The following TRPA1 variants were observed in gnomAD, a reference collection of about 807,000 sequenced individuals.
The protein encoded by TRPA1 is ankyrin-like with transmembrane domains 1.
Under a neutral mutation model 131.3 loss-of-function variants are expected in TRPA1, and 129 were observed. The observed-to-expected ratio is 0.98, with a 90% CI of 0.85 to 1.14. TRPA1 has a LOEUF of 1.14. TRPA1 is among the 50% of genes most tolerant of loss of function. The pLI, the probability that TRPA1 is intolerant of heterozygous loss-of-function variation, is 0.00. For missense variants in TRPA1, 1,304 were observed against 1,354.2 expected (o/e 0.96, Z 0.58); for synonymous variants, 441 against 451.7 (o/e 0.98, Z 0.30).
At chr8:72,068,931 G>A in intron 3 of TRPA1, 92 bp downstream of exon 3, 2 of 1,303,782 alleles carry the variant, frequency 1.5e-6, no homozygotes, top group East Asian at 2.3e-5. Context: ...AGCTTAGAAG[G>A]TGCTCATCCT....
At chr8:72,062,664 T>G in intron 6 of TRPA1, 135 bp downstream of exon 6, 1 of 947,100 alleles carries the variant, frequency 1.1e-6, no homozygotes, top group Non-Finnish European at 1.6e-6. Flanking sequence ...CTTGTTCTGC[T>G]TCTGCAGAAG....
chr8:72,077,317 CA>C (rs532158286), upstream of TRPA1, among the ~76,000 whole-genome samples: 259 of 150,630 alleles, frequency 1.7e-3, 1 homozygote, highest in African/African-American at 6.0e-3. Context: ...TGGGCCAGTG[CA>C]GGGAACTCCA....
rs1444397669 is a variant in TRPA1, at chr8:72,037,600, G to C, written c.2385+383C>G. 2.0e-5 allele frequency among the ~76,000 whole-genome samples: 3 copies of C among 152,158 alleles called. No homozygotes were observed. In the East Asian group the frequency reaches 5.8e-4, roughly 29 times the overall value. On this transcript the variant is annotated intron_variant, in intron 20 of 26. Transcript: ENST00000262209. The stretch of plus-strand genomic sequence containing the variant: ...TTCAAAGAAAGACCCATTTGAAATG[G>C]AGTCTTGGGCCAGATAACTTCTTTA...
At chr8:72,034,803 A>G (rs555428978) in intron 21 of TRPA1, among the ~76,000 whole-genome samples, 1 of 152,170 alleles carries the variant, frequency 6.6e-6, no homozygotes, top group South Asian at 2.1e-4. Flanking sequence ...TCGGCTTCCC[A>G]AAGTGCTAGG....
chr8:72,058,947 A>C (rs549581355), intron 8 of TRPA1, among the ~76,000 whole-genome samples: 10 of 152,240 alleles, frequency 6.6e-5, no homozygotes, highest in Non-Finnish European at 1.3e-4. Flanking sequence ...AATCTTTGAC[A>C]ATATTTTTCA....
rs61736313 is a variant in TRPA1 at position 72,056,993 on chromosome 8, T to A, written c.1118A>T (p.Asn373Ile). The A allele has an allele frequency of 1.2e-3, 1,910 of 1,608,694 alleles. 30 individuals carry two copies. In the African/African-American group the frequency reaches 0.021, roughly 17 times the overall value. ...TAAATGCAGAAAATTACGTCCAAAA[T>A]TATCTTTTATGTCTACTTGGGCACC... ...SKGAQVDIKD[N>I]FGRNFLHLTV... Residue 373 changes from asparagine (N) to isoleucine (I), a missense_variant, in exon 10 of 27, where the codon AAT becomes ATT. Physicochemically the swap from Asn to Ile is moderately radical, Grantham distance 149. Coordinates refer to ENST00000262209, the MANE Select transcript of TRPA1 (RefSeq NM_007332.3).
rs748925257 is a variant in TRPA1 at position 72,026,078 on chromosome 8, A to G, written c.2938-5T>C. ...TAAGCTGGTATGAAGTTCCACCTAA[A>G]GTGCATTTTGGATTTATTGATAGAA... is the stretch of plus-strand genomic sequence containing the variant. On this transcript the variant is annotated splice_region_variant and splice_polypyrimidine_tract_variant and intron_variant, in intron 24 of 26. Coordinates refer to ENST00000262209, the MANE Select transcript of TRPA1 (RefSeq NM_007332.3). The G allele has an allele frequency of 4.0e-5, 64 of 1,611,758 alleles. 1 individual carries two copies. The South Asian group carries it at 6.7e-4, about 17-fold the overall frequency.
upstream of TRPA1, among the ~76,000 whole-genome samples, chr8:72,080,459 A>G (rs1210683797): frequency 6.6e-6 from 1 of 151,706 alleles, no homozygotes; most frequent in African/African-American, 2.4e-5. Context: ...TTCATATGTT[A>G]CTGGATTCAG....
At chr8:72,028,533 T>C (rs1811686102) in intron 24 of TRPA1, among the ~76,000 whole-genome samples, 1 of 152,236 alleles carries the variant, frequency 6.6e-6, no homozygotes, top group South Asian at 2.1e-4. Context: ...CTCTTAATTA[T>C]TTTTGCATTT....
chr8:72,075,420 C>A lies in TRPA1; in HGVS notation c.-11G>T, dbSNP rs1364836129. On this transcript the variant is annotated 5_prime_UTR_variant, in exon 1 of 27. Coordinates refer to ENST00000262209, the MANE Select transcript of TRPA1 (RefSeq NM_007332.3). ...CAGGCTGCGCTTCATTGACCCCACC[C>A]CGGACGCCACCTGGTGCAGCTGCTC... The A allele has an allele frequency of 6.3e-7, 1 of 1,594,494 alleles. No homozygotes were observed. Among genetic ancestry groups the A allele is most frequent in the South Asian group, 1.1e-5 (1 of 90,748 alleles).
chr8:72,036,152 G>T (rs1221030921), intron 21 of TRPA1, 136 bp downstream of exon 21: 5 of 845,198 alleles, frequency 5.9e-6, no homozygotes, highest in Admixed American at 2.4e-5. Flanking sequence ...CCTTAATAGG[G>T]TATACAAAAA....
chr8:72,023,182 A>G (rs2129432270), intron 26 of TRPA1, 66 bp from the exon 27 acceptor site: 1 of 1,255,192 alleles, frequency 8.0e-7, no homozygotes, highest in East Asian at 4.1e-5. Flanking sequence ...TGAATGTAGG[A>G]AGGCATAGGT....
At chr8:72,068,942 G>C (rs1258011177) in intron 3 of TRPA1, 81 bp downstream of exon 3, 8 of 1,463,732 alleles carry the variant, frequency 5.5e-6, no homozygotes, top group Middle Eastern at 3.8e-4. Context: ...TGCTCATCCT[G>C]GTGCAAGCAG....
At chr8:72,063,612 C>T (rs1407043003) in intron 4 of TRPA1, 41 bp from the exon 5 acceptor site, 2 of 1,387,076 alleles carry the variant, frequency 1.4e-6, no homozygotes, top group East Asian at 2.3e-5. Flanking sequence ...CCAGTTAAAC[C>T]CCAAATCGCA....
intron 1 of TRPA1, 125 bp from the exon 2 acceptor site, chr8:72,071,992 A>G (rs145744756): frequency 1.6e-5 from 14 of 870,446 alleles, no homozygotes; most frequent in Non-Finnish European, 2.5e-5. Flanking sequence ...TGAGGTAAAT[A>G]TTTTTCTTGA....
At chr8:72,039,926 G>A (rs780645296) in intron 17 of TRPA1, 129 bp from the exon 18 acceptor site, 1 of 665,600 alleles carries the variant, frequency 1.5e-6, no homozygotes, top group South Asian at 1.8e-5. Context: ...TTAGAACATT[G>A]AAAAAAATAA....
At chr8:72,035,486 T>A (rs1812000106) in intron 21 of TRPA1, among the ~76,000 whole-genome samples, 1 of 152,202 alleles carries the variant, frequency 6.6e-6, no homozygotes, top group South Asian at 2.1e-4. Flanking sequence ...CCTGACTGAC[T>A]AGCTGAGATC....
the TRPA1 span, among the ~76,000 whole-genome samples, chr8:72,089,689 A>G: frequency 4.6e-5 from 7 of 152,096 alleles, no homozygotes; most frequent in African/African-American, 1.7e-4. Flanking sequence ...AAAAAATTCA[A>G]ACAAAATTAG....
chr8:72,042,707 A>G (rs1339524244), intron 17 of TRPA1, among the ~76,000 whole-genome samples: 2 of 151,926 alleles, frequency 1.3e-5, no homozygotes, highest in East Asian at 3.9e-4. Flanking sequence ...ATATACATAC[A>G]ATGGAATATT....
Sources: allele counts gnomAD v4.1 joint callset (sites outside exome capture counted in the v4.1 genomes callset), GRCh38; gene constraint gnomAD v4.1.1; transcripts MANE v1.5; gene names NCBI Gene and HGNC (gene_info 2026-07-23, HGNC 2026-07-21).